The following PUM2 variants were observed in gnomAD, a reference collection of about 807,000 sequenced individuals.
PUM2 encodes pumilio RNA binding family member 2.
A neutral mutation model predicts 124.5 loss-of-function variants in PUM2; 57 were observed. The observed-to-expected ratio is 0.46, with a 90% CI of 0.37 to 0.57. PUM2 has a LOEUF of 0.57. Among genes scored for constraint, PUM2 ranks in the 20% least tolerant of loss-of-function variants. The pLI, the probability that PUM2 is intolerant of heterozygous loss-of-function variation, is 0.00. For missense variants in PUM2, 1,065 were observed against 1,290.6 expected (o/e 0.83, Z 2.68); for synonymous variants, 460 against 446.1 (o/e 1.03, Z -0.39).
intron 1 of PUM2, among the ~76,000 whole-genome samples, chr2:20,348,240 A>C: frequency 6.6e-6 from 1 of 152,140 alleles, no homozygotes; most frequent in East Asian, 1.9e-4. Flanking sequence ...TTACCTGGCT[A>C]TAAGTGTAAT....
At chr2:20,324,482 C>T (rs1347417881) in intron 2 of PUM2, among the ~76,000 whole-genome samples, 14 of 152,158 alleles carry the variant, frequency 9.2e-5, no homozygotes, top group Admixed American at 9.2e-4. Context: ...AGACAGGGCC[C>T]TCTTTCCTGT....
chr2:20,254,385 G>A (rs1664262468), intron 19 of PUM2, among the ~76,000 whole-genome samples: 1 of 152,088 alleles, frequency 6.6e-6, no homozygotes, highest in African/African-American at 2.4e-5. Flanking sequence ...GAATTCCTGG[G>A]CTCGACTGAT....
intron 13 of PUM2, among the ~76,000 whole-genome samples, chr2:20,267,955 T>C (rs1332707153): frequency 6.6e-6 from 1 of 152,216 alleles, no homozygotes; most frequent in Admixed American, 6.5e-5. Flanking sequence ...AAGACCTCCG[T>C]ATCTACAAGT....
At chr2:20,336,753 TGTGTGTGTGTGTG>T in intron 1 of PUM2, among the ~76,000 whole-genome samples, 1 of 8,890 alleles carries the variant, frequency 1.1e-4, no homozygotes, top group South Asian at 3.2e-3. Flanking sequence ...CTGATCTGTG[TGTGTGTGTGTGTG>T]TGTGTGTGTG....
intron 2 of PUM2, among the ~76,000 whole-genome samples, chr2:20,322,916 T>C (rs992330190): frequency 7.2e-5 from 11 of 152,264 alleles, no homozygotes; most frequent in African/African-American, 2.7e-4. Flanking sequence ...TTCCAGACTT[T>C]AATCTTTTCT....
chr2:20,328,637 C>G (rs373235332), intron 1 of PUM2, among the ~76,000 whole-genome samples: 2 of 152,018 alleles, frequency 1.3e-5, no homozygotes, highest in East Asian at 3.9e-4. Flanking sequence ...GAAAGAAAAA[C>G]TACAAAAATA....
At chr2:20,253,591 C>G (rs1169494593) in intron 20 of PUM2, among the ~76,000 whole-genome samples, 1 of 151,302 alleles carries the variant, frequency 6.6e-6, no homozygotes, top group African/African-American at 2.4e-5. Context: ...GTGATCTTGT[C>G]ACCTCAGCCT....
At chr2:20,330,188 G>A (rs1206901230) in intron 1 of PUM2, among the ~76,000 whole-genome samples, 4 of 152,184 alleles carry the variant, frequency 2.6e-5, no homozygotes, top group Non-Finnish European at 5.9e-5. Context: ...ATTTTAAAGT[G>A]CTGAAAGGAG....
In PUM2 at chr2:20,308,087, T is replaced by C. The variant is rs1206796343; in HGVS notation, c.790-16A>G. On this transcript the variant is annotated splice_polypyrimidine_tract_variant and intron_variant, in intron 6 of 20. Coordinates refer to ENST00000361078, the MANE Select transcript of PUM2 (RefSeq NM_015317.5). ...TCTGAAAGAGCTATTAGGGAAAATA[T>C]TTAACACAAAGATTAGTGTCAAAAT... 3 of 1,595,506 alleles carry C rather than the reference T, an allele frequency of 1.9e-6. No individual in the cohort carries two copies. Among genetic ancestry groups the C allele is most frequent in the Non-Finnish European group, 1.7e-6 (2 of 1,167,286 alleles).
chr2:20,300,152 A>AT (rs35288020), intron 7 of PUM2, among the ~76,000 whole-genome samples: 53,151 of 147,544 alleles, frequency 0.36, 9,396 homozygotes, highest in Middle Eastern at 0.43. Flanking sequence ...TTCAGGTTAA[A>AT]TTTTTTTTTT....
chr2:20,326,987 AT>A, intron 2 of PUM2, among the ~76,000 whole-genome samples: 2 of 152,244 alleles, frequency 1.3e-5, no homozygotes, highest in Admixed American at 1.3e-4. Context: ...CACAGCATAC[AT>A]ATATAAAACA....
intron 7 of PUM2, among the ~76,000 whole-genome samples, chr2:20,299,313 G>A (rs1309636068): frequency 1.3e-5 from 2 of 151,944 alleles, no homozygotes; most frequent in African/African-American, 4.8e-5. Flanking sequence ...GGAGAAAACC[G>A]CCCACACATT....
Position 20,325,132 on chromosome 2 carries a change from A to G in PUM2, c.51+2178T>C, listed in dbSNP as rs1683357123. ...AAGGTTCCTTGCTGCCTGTGAGATG[A>G]GGAAAGATAGAAAGGCTTGTGGGAG... On this transcript the variant is annotated intron_variant, in intron 2 of 20. Coordinates refer to ENST00000361078, the MANE Select transcript of PUM2 (RefSeq NM_015317.5). 3.3e-5 allele frequency among the ~76,000 whole-genome samples: 5 copies of G among 152,318 alleles called. No individual in the cohort carries two copies. In the South Asian group the frequency reaches 1.0e-3, roughly 32 times the overall value.
chr2:20,264,067 C>T (rs1015811708), intron 13 of PUM2, among the ~76,000 whole-genome samples: 5 of 151,378 alleles, frequency 3.3e-5, no homozygotes, highest in African/African-American at 9.7e-5. Context: ...GGTTGGGCGT[C>T]GTGGCTCATG....
intron 19 of PUM2, among the ~76,000 whole-genome samples, chr2:20,254,388 C>T (rs897354998): frequency 2.0e-5 from 3 of 152,052 alleles, no homozygotes; most frequent in African/African-American, 4.8e-5. Context: ...TTCCTGGGCT[C>T]GACTGATCCT....
At chr2:20,306,634 A>T (rs1572839456) in intron 7 of PUM2, among the ~76,000 whole-genome samples, 1 of 127,968 alleles carries the variant, frequency 7.8e-6, no homozygotes, top group African/African-American at 3.1e-5. Flanking sequence ...TCTTGAGCGG[A>T]GTCTCTCTCT....
At chr2:20,288,384 T>A (rs1477004514) in intron 10 of PUM2, among the ~76,000 whole-genome samples, 1 of 152,218 alleles carries the variant, frequency 6.6e-6, no homozygotes, top group Non-Finnish European at 1.5e-5. Context: ...AATTATACTT[T>A]GTAACTGTCA....
chr2:20,343,022 C>T (rs1489481392), intron 1 of PUM2, among the ~76,000 whole-genome samples: 5 of 152,050 alleles, frequency 3.3e-5, no homozygotes, highest in Non-Finnish European at 7.4e-5. Flanking sequence ...TGCGGTGGTG[C>T]CTTCACAGCC....
At chr2:20,340,836 T>G (rs1687078534) in intron 1 of PUM2, among the ~76,000 whole-genome samples, 1 of 152,138 alleles carries the variant, frequency 6.6e-6, no homozygotes, top group Admixed American at 6.6e-5. Context: ...CAGTTCCAGG[T>G]TGGCCACTAA....
Sources: gnomAD v4.1 joint callset for allele counts (sites outside exome capture counted in the v4.1 genomes callset) on GRCh38, gnomAD v4.1.1 for gene constraint, MANE v1.5 for transcripts, NCBI Gene and HGNC (gene_info 2026-07-23, HGNC 2026-07-21) for gene names.